The following RBBP6 variants were observed in gnomAD, a reference collection of about 807,000 sequenced individuals.
The protein encoded by RBBP6 is RB binding protein 6, ubiquitin ligase.
RBBP6 carries 25 observed loss-of-function variants against 167.7 expected under a neutral mutation model. The observed-to-expected ratio is 0.15, with a 90% CI of 0.11 to 0.21. The LOEUF is 0.21. Ranked by LOEUF, RBBP6 falls within the 10% of genes least tolerant of loss-of-function variation. The pLI is 1.00. For synonymous variants in RBBP6, 789 were observed against 735.8 expected (o/e 1.07, Z -1.17); for missense variants, 1,868 against 2,134.2 (o/e 0.88, Z 2.46).
At chr16:24,564,099 CA>C (rs1381717095) in intron 13 of RBBP6, among the ~76,000 whole-genome samples, 1 of 152,042 alleles carries the variant, frequency 6.6e-6, no homozygotes, top group Non-Finnish European at 1.5e-5. Flanking sequence ...GTCTACCAAA[CA>C]AAAATTTTTT....
At position 24,564,851 on chromosome 16, in the gene RBBP6, G is replaced by A. The variant is rs371813153; in HGVS notation, c.1575G>A (p.Glu525=). The change falls in exon 14 of 18, where the codon GAG becomes GAA. Residue 525 remains glutamate, a synonymous_variant. Transcript: ENST00000319715. ...CACCACAACAAATTAGAAGAGGGGAGAGGAGCTGCTACAGGTAGGCATGCT... is the reference window on the plus strand; with the variant it reads ...CACCACAACAAATTAGAAGAGGGGAAAGGAGCTGCTACAGGTAGGCATGCT... ...VSPPQQIRRG[E]RSCYRSINRG... 8 of 1,612,910 alleles carry A rather than the reference G, an allele frequency of 5.0e-6. No homozygotes were observed. In the African/African-American group the frequency reaches 1.1e-4, roughly 22 times the overall value.
intron 7 of RBBP6, among the ~76,000 whole-genome samples, chr16:24,557,791 G>T (rs773598469): frequency 1.3e-5 from 2 of 152,178 alleles, no homozygotes; most frequent in Non-Finnish European, 2.9e-5. Context: ...TATTGTTGAA[G>T]TGTAGTGTAG....
chr16:24,542,655 G>A (rs1332365800), intron 1 of RBBP6, among the ~76,000 whole-genome samples: 18 of 152,124 alleles, frequency 1.2e-4, no homozygotes, highest in Admixed American at 1.2e-3. Flanking sequence ...TAGAGATGGG[G>A]TTTTGTCTTG....
At position 24,572,249 on chromosome 16, in the gene RBBP6, A is replaced by G; in HGVS notation, c.5183A>G (p.Lys1728Arg). The G allele has an allele frequency of 6.2e-7, 1 of 1,613,936 alleles. No individual in the cohort carries two copies. The highest frequency in any genetic ancestry group is 8.5e-7 in the Non-Finnish European group (1 of 1,179,942). Residue 1728 changes from lysine (K) to arginine (R), a missense_variant, in exon 18 of 18, where the codon AAG becomes AGG. Lys to Arg is a conservative substitution (Grantham distance 26). Coordinates refer to ENST00000319715, the MANE Select transcript of RBBP6 (RefSeq NM_006910.5). The part of the protein sequence containing the change: ...ASSAESQDSK[K>R]KKKKKEKKKH... Reference sequence around the variant, plus strand: ...TCAGCAGAAAGTCAGGACAGCAAGAAGAAGAAGAAAAAGAAGGAAAAGAAA... The same window carrying G: ...TCAGCAGAAAGTCAGGACAGCAAGAGGAAGAAGAAAAAGAAGGAAAAGAAA...
chr16:24,541,211 A>C (rs1047518799), intron 1 of RBBP6, among the ~76,000 whole-genome samples: 4 of 149,726 alleles, frequency 2.7e-5, no homozygotes, highest in African/African-American at 5.0e-5. Flanking sequence ...AAACCAAAAA[A>C]ACAATTTTCT....
Position 24,571,445 on chromosome 16 carries a change from G to T in RBBP6, c.4379G>T (p.Arg1460Leu), listed in dbSNP as rs143040546. Residue 1460 changes from arginine to leucine, a missense_variant, in exon 18 of 18, where the codon CGT becomes CTT. Arg to Leu is a moderately radical substitution (Grantham distance 102). Transcript: ENST00000319715. The part of the protein sequence containing the change: ...ARTSDKHDST[R>L]ASSNKDFTPN... The stretch of plus-strand genomic sequence containing the variant: ...ACGTCAGATAAACATGATTCCACTC[G>T]TGCTTCCTCAAATAAAGACTTCACT... 6.2e-7 allele frequency: 1 copy of T among 1,612,912 alleles called. No homozygotes were observed. The highest frequency in any genetic ancestry group is 8.5e-7 in the Non-Finnish European group (1 of 1,179,754).
At chr16:24,544,255 C>T (rs556772569) in intron 1 of RBBP6, among the ~76,000 whole-genome samples, 7 of 152,188 alleles carry the variant, frequency 4.6e-5, no homozygotes, top group African/African-American at 1.7e-4. Flanking sequence ...TCTAGTCACC[C>T]CATGCTCTCA....
Position 24,572,145 on chromosome 16 carries a change from C to T in RBBP6, c.5079C>T (p.His1693=). 6.2e-7 allele frequency: 1 copy of T among 1,614,060 alleles called. No homozygotes were observed. The highest frequency in any genetic ancestry group is 8.5e-7 in the Non-Finnish European group (1 of 1,180,008). Residue 1693 remains histidine, a synonymous_variant, in exon 18 of 18, where the codon CAC becomes CAT. Coordinates refer to ENST00000319715, the MANE Select transcript of RBBP6 (RefSeq NM_006910.5). Reference sequence around the variant, plus strand: ...TGGGCATAAGCAGGAATCAGAGCCACAGCAGCCCCAGCGTCAGCCCCAGCA... The same window carrying T: ...TGGGCATAAGCAGGAATCAGAGCCATAGCAGCCCCAGCGTCAGCCCCAGCA... The part of the protein sequence containing the change: ...VQVGISRNQS[H]SSPSVSPSRS...
Position 24,571,461 on chromosome 16 carries a change from A to G in RBBP6, c.4395A>G (p.Lys1465=), listed in dbSNP as rs1322473532. ...KHDSTRASSN[K]DFTPNRDKKT... ...ATTCCACTCGTGCTTCCTCAAATAA[A>G]GACTTCACTCCCAATAGAGACAAAA... Residue 1465 remains lysine, a synonymous_variant, in exon 18 of 18, where the codon AAA becomes AAG. Coordinates refer to ENST00000319715, the MANE Select transcript of RBBP6 (RefSeq NM_006910.5). 3 of 1,612,952 alleles carry G rather than the reference A, an allele frequency of 1.9e-6. No homozygotes were observed. Among genetic ancestry groups the G allele is most frequent in the East Asian group, 4.5e-5 (2 of 44,870 alleles).
rs1898437821 is a variant in RBBP6, at chr16:24,539,893, G to C, written c.-734G>C. 6.5e-6 allele frequency: 1 copy of C among 153,130 alleles called. No homozygotes were observed. Among genetic ancestry groups the C allele is most frequent in the South Asian group, 1.8e-4 (1 of 5,580 alleles). The allele number at this position is 153,130 out of a possible 1,614,324, so 9.5% of individuals were successfully genotyped here. On this transcript the variant is annotated 5_prime_UTR_variant, in exon 1 of 18. Transcript: ENST00000319715. ...GGAAGTGCTCCGAGGCCTCGCCGAG[G>C]CCTAGCGCCGGCTTTGTGTCCGAGG...
intron 1 of RBBP6, among the ~76,000 whole-genome samples, chr16:24,544,803 G>C (rs987061328): frequency 2.6e-5 from 4 of 152,110 alleles, no homozygotes; most frequent in African/African-American, 9.7e-5. Flanking sequence ...CTCCCTCTTG[G>C]TTTTCCCAGA....
chr16:24,541,040 TCTC>T (rs1327531843), intron 1 of RBBP6, among the ~76,000 whole-genome samples: 2 of 152,066 alleles, frequency 1.3e-5, no homozygotes, highest in Non-Finnish European at 2.9e-5. Flanking sequence ...TGATTATTCT[TCTC>T]GCTGTTTTTT....
chr16:24,567,281 G>C lies in RBBP6; in HGVS notation c.1728G>C (p.Pro576=), dbSNP rs200662644. The stretch of plus-strand genomic sequence containing the variant: ...CTCCCCATACACTTCCTCTCCCTCC[G>C]GGTGTTCCTCCTCCACAGTTTTCTC... The part of the protein sequence containing the change: ...PPPPHTLPLP[P]GVPPPQFSPQ... Residue 576 remains proline, a synonymous_variant, in exon 15 of 18, where the codon CCG becomes CCC. Coordinates refer to ENST00000319715, the MANE Select transcript of RBBP6 (RefSeq NM_006910.5). 298 of 1,613,910 alleles carry C rather than the reference G, an allele frequency of 1.8e-4. 1 individual carries two copies. The East Asian group carries it at 3.7e-3, about 20-fold the overall frequency.
At position 24,571,275 on chromosome 16, in the gene RBBP6, C is replaced by G. The variant is rs150116510; in HGVS notation, c.4209C>G (p.Thr1403=). 1 of 1,612,418 alleles carries G rather than the reference C, an allele frequency of 6.2e-7. No homozygotes were observed. Among genetic ancestry groups the G allele is most frequent in the African/African-American group, 1.3e-5 (1 of 74,608 alleles). The change falls in exon 18 of 18, where the codon ACC becomes ACG. Residue 1403 remains threonine (T), a synonymous_variant. Transcript: ENST00000319715. ...CTGCATCTAGTGAAAAAGGGAAAACCAAAGATCGAGATTATTCAGTGTTGG... is the reference window on the plus strand; with the variant it reads ...CTGCATCTAGTGAAAAAGGGAAAACGAAAGATCGAGATTATTCAGTGTTGG... The part of the protein sequence containing the change: ...KNSASSEKGK[T]KDRDYSVLEK...
intron 4 of RBBP6, chr16:24,554,824 C>A (rs2141464542): frequency 6.7e-6 from 1 of 149,530 alleles, no homozygotes; most frequent in African/African-American, 2.5e-5. Flanking sequence ...TGGGTTCAAA[C>A]AAATTAGTTG....
At position 24,540,364 on chromosome 16, in the gene RBBP6, C is replaced by A; in HGVS notation, c.-263C>A. ...GGACCCAGCCGGGTGACATTGTGCCCGTTGGCGGATTCTCGATTTCCCCTC... is the reference window on the plus strand; with the variant it reads ...GGACCCAGCCGGGTGACATTGTGCCAGTTGGCGGATTCTCGATTTCCCCTC... On this transcript the variant is annotated 5_prime_UTR_variant, in exon 1 of 18. Coordinates refer to ENST00000319715, the MANE Select transcript of RBBP6 (RefSeq NM_006910.5). 5.6e-6 allele frequency: 2 copies of A among 359,040 alleles called. No individual in the cohort carries two copies. The highest frequency in any genetic ancestry group is 3.9e-5 in the South Asian group (1 of 25,674). The allele number at this position is 359,040 out of a possible 1,614,324, so 22.2% of individuals were successfully genotyped here. A position where few individuals can be genotyped will look rare whatever the true frequency, so the allele number is the denominator to read the frequency against.
chr16:24,566,886 A>G (rs2141476213), intron 14 of RBBP6, among the ~76,000 whole-genome samples: 1 of 152,348 alleles, frequency 6.6e-6, no homozygotes, highest in South Asian at 2.1e-4. Flanking sequence ...TTCATAAAAG[A>G]GAACTTTTAA....
Position 24,547,999 on chromosome 16 carries a change from T to TTA in RBBP6, c.267-945_267-944insAT, listed in dbSNP as rs924045834. On this transcript the variant is annotated intron_variant, in intron 2 of 17. Transcript: ENST00000319715. ...TTGCCTCATAAAATGCATCTCAGTT[T>TTA]TTTTTTGAGCAAATACTAGAAAATC... Among the ~76,000 whole-genome samples, 263 of 151,698 alleles carry TTA rather than the reference T, an allele frequency of 1.7e-3. 2 individuals are homozygous for TTA. Among genetic ancestry groups the TTA allele is most frequent in the African/African-American group, 6.1e-3 (251 of 41,350 alleles).
At chr16:24,559,030 A>G (rs772587375) in intron 7 of RBBP6, among the ~76,000 whole-genome samples, 4 of 152,174 alleles carry the variant, frequency 2.6e-5, no homozygotes, top group Non-Finnish European at 4.4e-5. Context: ...ATTTACTCCA[A>G]TACCTTCACA....
Sources: allele counts gnomAD v4.1 joint callset (sites outside exome capture counted in the v4.1 genomes callset), GRCh38; gene constraint gnomAD v4.1.1; transcripts MANE v1.5; gene names NCBI Gene and HGNC (gene_info 2026-07-23, HGNC 2026-07-21).